The following EDNRB variants were observed in gnomAD, a reference collection of about 807,000 sequenced individuals.
The protein encoded by EDNRB is Hirschsprung disease 2.
Under a neutral mutation model 46.4 loss-of-function variants are expected in EDNRB, and 18 were observed. The ratio of observed to expected loss-of-function variants is 0.39; its 90% CI spans 0.27 to 0.57. The LOEUF (loss-of-function observed/expected upper bound fraction) is 0.57, where lower values mean the gene tolerates loss of function less well. Ranked by LOEUF, EDNRB falls within the 20% of genes least tolerant of loss-of-function variation. EDNRB has a pLI of 0.61. For missense variants in EDNRB, 434 were observed against 537.5 expected (o/e 0.81, Z 1.90); for synonymous variants, 213 against 204.9 (o/e 1.04, Z -0.34).
rs1407106184 is a variant in EDNRB, at chr13:77,918,608, C to G, written c.-35G>C. 6.4e-7 allele frequency: 1 copy of G among 1,562,494 alleles called. No individual in the cohort carries two copies. Among genetic ancestry groups the G allele is most frequent in the Non-Finnish European group, 8.6e-7 (1 of 1,164,876 alleles). ...TGCTCCAGAAGGCGTCCGGTGGCCG[C>G]TCCGCAGTTTCAGAGCCTAGAGACA... On this transcript the variant is annotated 5_prime_UTR_variant, in exon 1 of 7. Transcript: ENST00000646607. The surrounding 1 kb of genome is among the most constrained non-coding windows in gnomAD (Gnocchi z 4.5).
intron 1 of EDNRB, among the ~76,000 whole-genome samples, chr13:77,929,778 A>G (rs1389740012): frequency 6.6e-6 from 1 of 152,178 alleles, no homozygotes; most frequent in Non-Finnish European, 1.5e-5. Flanking sequence ...TACCTACCTG[A>G]GAAGCCTTAT....
intron 1 of EDNRB, among the ~76,000 whole-genome samples, chr13:77,907,721 G>T (rs1460768667): frequency 6.6e-6 from 1 of 151,888 alleles, no homozygotes; most frequent in Admixed American, 6.6e-5. Flanking sequence ...CAAGATGAAT[G>T]AGCGTCCAGA....
intron 1 of EDNRB, among the ~76,000 whole-genome samples, chr13:77,966,786 C>A (rs1881595468): frequency 6.6e-6 from 1 of 152,034 alleles, no homozygotes; most frequent in African/African-American, 2.4e-5. Flanking sequence ...TTTATGATTT[C>A]TTCTGAGACT....
chr13:77,898,472 C>T (rs1195061141), intron 6 of EDNRB, 138 bp from the exon 7 acceptor site: 3 of 1,262,848 alleles, frequency 2.4e-6, no homozygotes, highest in Admixed American at 2.5e-5. Flanking sequence ...TATTTTCCCT[C>T]TTAAAAGAAT....
chr13:77,900,178 T>A (rs1878874909), intron 5 of EDNRB, among the ~76,000 whole-genome samples: 1 of 151,910 alleles, frequency 6.6e-6, no homozygotes, highest in Non-Finnish European at 1.5e-5. Context: ...CCATTTCCCC[T>A]TCCCAGGCCC....
chr13:77,900,915 A>G (rs1352598885), intron 4 of EDNRB, 143 bp downstream of exon 4: 2 of 989,116 alleles, frequency 2.0e-6, no homozygotes, highest in African/African-American at 1.6e-5. Context: ...AATATTCTTT[A>G]TCTATTTAAA....
chr13:77,923,550 T>C (rs1880144682), upstream of EDNRB, among the ~76,000 whole-genome samples: 1 of 152,214 alleles, frequency 6.6e-6, no homozygotes, highest in African/African-American at 2.4e-5. Context: ...TCATGTGTAA[T>C]GCACTCTTTG....
chr13:77,899,754 A>G (rs1040009363), intron 6 of EDNRB, 105 bp downstream of exon 6: 4 of 849,204 alleles, frequency 4.7e-6, no homozygotes, highest in African/African-American at 1.7e-5. Context: ...AAGGGAAACT[A>G]TAAGATAATT....
chr13:77,935,315 G>A (rs1880530783), intron 1 of EDNRB, among the ~76,000 whole-genome samples: 1 of 152,308 alleles, frequency 6.6e-6, no homozygotes, highest in African/African-American at 2.4e-5. Flanking sequence ...GCACAGCCCT[G>A]CACTTTGGCT....
chr13:77,958,250 A>G (rs1881296367), intron 1 of EDNRB, among the ~76,000 whole-genome samples: 1 of 152,256 alleles, frequency 6.6e-6, no homozygotes, highest in South Asian at 2.1e-4. Context: ...ATTCTGATGG[A>G]TAGCCTGGAA....
chr13:77,974,935 T>C (rs1448121294), intron 1 of EDNRB, among the ~76,000 whole-genome samples: 3 of 152,116 alleles, frequency 2.0e-5, no homozygotes, highest in Admixed American at 2.0e-4. Flanking sequence ...TATTTGTGCC[T>C]GACCCATGCT....
At position 77,898,333 on chromosome 13, in the gene EDNRB, G is replaced by T; in HGVS notation, c.1196C>A (p.Ser399Ter). 1.2e-6 allele frequency: 2 copies of T among 1,611,680 alleles called. No homozygotes were observed. Among genetic ancestry groups the T allele is most frequent in the South Asian group, 2.2e-5 (2 of 91,014 alleles). ...VSKRFKNCFK[S>*]CLCCWCQSFE... ...TGACTGGCACCAGCAGCATAAGCAT[G>T]ACTGTACAAAACAAAGTAACTCATT... Residue 399 changes from serine (S) to a stop codon, truncating the protein, a stop_gained and splice_region_variant, in exon 7 of 7, where the codon TCA (serine) becomes TAA (stop). Transcript: ENST00000646607. LOFTEE classifies it high-confidence loss of function.
intron 1 of EDNRB, among the ~76,000 whole-genome samples, chr13:77,970,591 A>T (rs889800529): frequency 6.6e-6 from 1 of 151,700 alleles, no homozygotes; most frequent in Admixed American, 6.6e-5. Flanking sequence ...TATCTTTTTT[A>T]TTATTATTAT....
At chr13:77,952,654 G>GA (rs1167016792) in intron 1 of EDNRB, among the ~76,000 whole-genome samples, 1 of 152,112 alleles carries the variant, frequency 6.6e-6, no homozygotes, top group Non-Finnish European at 1.5e-5. Flanking sequence ...TGTGGCTGAA[G>GA]AAAAAATTTA....
Position 77,900,505 on chromosome 13 carries a change from A to G in EDNRB, c.1085+16T>C. 1 of 1,612,062 alleles carries G rather than the reference A, an allele frequency of 6.2e-7. No homozygotes were observed. Among genetic ancestry groups the G allele is most frequent in the East Asian group, 2.2e-5 (1 of 44,822 alleles). On this transcript the variant is annotated intron_variant, in intron 5 of 6. Transcript: ENST00000646607. ...GGCATTTATTTACAAAACCATTTCT[A>G]GTTTGCCTTTCTTACCTCAAAAGTT...
chr13:77,930,481 T>G (rs1289078608), intron 1 of EDNRB, among the ~76,000 whole-genome samples: 8 of 152,210 alleles, frequency 5.3e-5, no homozygotes, highest in African/African-American at 1.9e-4. Flanking sequence ...TATTTAATAT[T>G]AATAAACATT....
intron 1 of EDNRB, among the ~76,000 whole-genome samples, chr13:77,925,736 G>C (rs1880217115): frequency 6.6e-6 from 1 of 152,218 alleles, no homozygotes; most frequent in Non-Finnish European, 1.5e-5. Flanking sequence ...CCCACACAGA[G>C]TCCCTACTGG....
intron 1 of EDNRB, among the ~76,000 whole-genome samples, chr13:77,941,355 G>A (rs1397541199): frequency 1.3e-5 from 2 of 152,204 alleles, no homozygotes; most frequent in African/African-American, 4.8e-5. Flanking sequence ...CTTACTAGAA[G>A]GGAAGGGATG....
chr13:77,933,863 A>G (rs1880474298), intron 1 of EDNRB, among the ~76,000 whole-genome samples: 1 of 152,176 alleles, frequency 6.6e-6, no homozygotes, highest in African/African-American at 2.4e-5. Context: ...TTTGTCATTT[A>G]GAATTATTGG....
Sources: allele counts gnomAD v4.1 joint callset (sites outside exome capture counted in the v4.1 genomes callset), GRCh38; gene constraint gnomAD v4.1.1; non-coding constraint Gnocchi (gnomAD v3.1); transcripts MANE v1.5; gene names NCBI Gene and HGNC (gene_info 2026-07-23, HGNC 2026-07-21).